The following STPG2 variants were observed in gnomAD, a reference collection of about 807,000 sequenced individuals.
STPG2 encodes sperm tail PG-rich repeat containing 2.
Under a neutral mutation model 54.2 loss-of-function variants are expected in STPG2, and 56 were observed. That is an observed-to-expected ratio of 1.03 (90% confidence interval 0.83 to 1.29). The LOEUF (loss-of-function observed/expected upper bound fraction) is 1.29. Among genes scored for constraint, STPG2 ranks in the 50% most tolerant of loss-of-function variants. The probability of loss-of-function intolerance (pLI) is 0.00; values close to 1 mark genes in which losing one functional copy is unlikely to be tolerated. For synonymous variants in STPG2, 200 were observed against 181.8 expected (o/e 1.10, Z -0.81); for missense variants, 596 against 544.9 (o/e 1.09, Z -0.93).
intron 9 of STPG2, among the ~76,000 whole-genome samples, chr4:97,774,201 CT>C (rs1726304377): frequency 6.6e-6 from 1 of 152,090 alleles, no homozygotes; most frequent in Admixed American, 6.6e-5. Flanking sequence ...GTAATTGTAA[CT>C]TATTCTTGGA....
At chr4:97,654,862 G>A (rs973846185) in intron 10 of STPG2, among the ~76,000 whole-genome samples, 6 of 151,832 alleles carry the variant, frequency 4.0e-5, no homozygotes, top group Non-Finnish European at 8.8e-5. Context: ...CATAAATACT[G>A]TACAGATTAA....
At chr4:97,630,551 C>T (rs1440652854) in intron 10 of STPG2, among the ~76,000 whole-genome samples, 2 of 151,768 alleles carry the variant, frequency 1.3e-5, no homozygotes, top group African/African-American at 2.4e-5. Context: ...TTTATGTATA[C>T]ATTTAAAACA....
intron 8 of STPG2, among the ~76,000 whole-genome samples, chr4:97,886,252 G>A (rs1228347920): frequency 2.6e-5 from 4 of 151,952 alleles, no homozygotes; most frequent in African/African-American, 4.8e-5. Flanking sequence ...TTTAGGCATC[G>A]AGGCAAAAAA....
chr4:97,459,088 T>A (rs1437377873), intron 4 of STPG2, among the ~76,000 whole-genome samples: 1 of 152,060 alleles, frequency 6.6e-6, no homozygotes, highest in Admixed American at 6.6e-5. Flanking sequence ...TTATATCTGG[T>A]AGATTCAAAC....
intron 8 of STPG2, among the ~76,000 whole-genome samples, chr4:97,940,385 AAT>A: frequency 6.6e-6 from 1 of 152,276 alleles, no homozygotes; most frequent in South Asian, 2.1e-4. Flanking sequence ...TATATCCTTA[AAT>A]ATGTTTTCCA....
At chr4:97,734,706 T>A (rs1393537867) in intron 9 of STPG2, among the ~76,000 whole-genome samples, 2 of 152,116 alleles carry the variant, frequency 1.3e-5, no homozygotes, top group Non-Finnish European at 2.9e-5. Context: ...TTGGCAATGA[T>A]TTTTTTGGCT....
intron 10 of STPG2, among the ~76,000 whole-genome samples, chr4:97,618,759 G>T (rs1015956365): frequency 3.3e-5 from 5 of 152,110 alleles, no homozygotes; most frequent in African/African-American, 1.2e-4. Flanking sequence ...TCATGCTGTG[G>T]TGTCTGTTTT....
At chr4:97,825,836 C>T (rs553726429) in intron 9 of STPG2, among the ~76,000 whole-genome samples, 1 of 152,124 alleles carries the variant, frequency 6.6e-6, no homozygotes, top group East Asian at 1.9e-4. Flanking sequence ...CTTCATGTAA[C>T]ATATCTTTGG....
chr4:97,896,515 A>G (rs1341283659), intron 8 of STPG2, among the ~76,000 whole-genome samples: 1 of 151,774 alleles, frequency 6.6e-6, no homozygotes, highest in African/African-American at 2.4e-5. Context: ...AATTTAAAAA[A>G]TTAAACCTGT....
At chr4:97,713,858 T>C (rs1176772161) in intron 9 of STPG2, among the ~76,000 whole-genome samples, 1 of 152,192 alleles carries the variant, frequency 6.6e-6, no homozygotes, top group Non-Finnish European at 1.5e-5. Context: ...TCTTCATTCA[T>C]ATTTTAAACA....
chr4:97,675,955 T>G (rs1442518552), intron 10 of STPG2, among the ~76,000 whole-genome samples: 1 of 146,342 alleles, frequency 6.8e-6, no homozygotes, highest in Non-Finnish European at 1.5e-5. Context: ...ATAGTATATA[T>G]AGTATACTAT....
chr4:97,576,280 G>GAAAA (rs139140769), intron 10 of STPG2, among the ~76,000 whole-genome samples: 1 of 123,938 alleles, frequency 8.1e-6, no homozygotes, highest in Non-Finnish European at 1.7e-5. Flanking sequence ...TATATGGAAT[G>GAAAA]AAAAAAAAAA....
intron 7 of STPG2, among the ~76,000 whole-genome samples, chr4:97,959,504 GA>G (rs1264331060): frequency 6.6e-6 from 1 of 152,012 alleles, no homozygotes; most frequent in Non-Finnish European, 1.5e-5. Flanking sequence ...AGCTCAATTA[GA>G]AACAAAATGG....
intron 5 of STPG2, among the ~76,000 whole-genome samples, chr4:98,057,704 A>G (rs1737522452): frequency 6.6e-6 from 1 of 152,196 alleles, no homozygotes; most frequent in Non-Finnish European, 1.5e-5. Context: ...AAATGCAGAG[A>G]ACCCCAGTAA....
intron 3 of STPG2, among the ~76,000 whole-genome samples, chr4:98,116,708 A>G (rs7664169): frequency 0.4 from 59,995 of 151,726 alleles, 12,107 homozygotes; most frequent in Middle Eastern, 0.46. Context: ...GTCAAGGCCT[A>G]GAAGACCAGG....
chr4:97,827,625 G>A (rs1728303652), intron 9 of STPG2, among the ~76,000 whole-genome samples: 2 of 152,112 alleles, frequency 1.3e-5, no homozygotes. Flanking sequence ...TCCAAAATTG[G>A]AAAACAAGCC....
At chr4:97,737,398 C>A (rs189506943) in intron 9 of STPG2, among the ~76,000 whole-genome samples, 27 of 151,964 alleles carry the variant, frequency 1.8e-4, no homozygotes, top group Non-Finnish European at 1.9e-4. Context: ...AGGCTTCAGC[C>A]GATAAAACTA....
intron 3 of STPG2, among the ~76,000 whole-genome samples, chr4:98,122,258 G>T (rs1235440087): frequency 6.6e-6 from 1 of 152,178 alleles, no homozygotes; most frequent in Non-Finnish European, 1.5e-5. Flanking sequence ...TGGTGAGAGA[G>T]GGCATCATTG....
chr4:97,768,033 G>A (rs771777725), intron 9 of STPG2, among the ~76,000 whole-genome samples: 5 of 152,194 alleles, frequency 3.3e-5, no homozygotes, highest in Non-Finnish European at 5.9e-5. Flanking sequence ...CGGGCGTGGT[G>A]GCGGGCGTCT....
Sources: allele counts gnomAD v4.1 joint callset (sites outside exome capture counted in the v4.1 genomes callset), GRCh38; gene constraint gnomAD v4.1.1; transcripts MANE v1.5; gene names NCBI Gene and HGNC (gene_info 2026-07-23, HGNC 2026-07-21).